The following CDH18 variants were observed in gnomAD, a reference collection of about 807,000 sequenced individuals.
CDH18 encodes cadherin 18, also known as cadherin-18.
A neutral mutation model predicts 67.9 loss-of-function variants in CDH18; 31 were observed. The observed-to-expected ratio is 0.46, with a 90% CI of 0.34 to 0.62. The LOEUF is 0.62. Ranked by LOEUF, CDH18 falls within the 20% of genes least tolerant of loss-of-function variation. The probability of loss-of-function intolerance (pLI) is 0.01; values close to 1 mark genes in which losing one functional copy is unlikely to be tolerated. For missense variants in CDH18, 890 were observed against 975.5 expected (o/e 0.91, Z 1.17); for synonymous variants, 362 against 347.2 (o/e 1.04, Z -0.48).
intron 3 of CDH18, among the ~76,000 whole-genome samples, chr5:19,781,276 T>C (rs1477238877): frequency 2.6e-5 from 4 of 152,060 alleles, no homozygotes; most frequent in Non-Finnish European, 4.4e-5. Context: ...GTAAGAGTAT[T>C]GACATTTTTA....
At chr5:19,746,203 A>T (rs1769977265) in intron 4 of CDH18, among the ~76,000 whole-genome samples, 1 of 152,152 alleles carries the variant, frequency 6.6e-6, no homozygotes. Flanking sequence ...CACAGAAACC[A>T]GTGAGTGGTG....
chr5:19,985,110 C>T (rs1799429757), intron 1 of CDH18, among the ~76,000 whole-genome samples: 2 of 152,084 alleles, frequency 1.3e-5, no homozygotes, highest in African/African-American at 4.8e-5. Context: ...TACTATCTCT[C>T]AGTTTTCATT....
intron 2 of CDH18, among the ~76,000 whole-genome samples, chr5:20,151,101 G>C (rs1751060588): frequency 6.6e-6 from 1 of 151,794 alleles, no homozygotes; most frequent in African/African-American, 2.4e-5. Context: ...ATTGCACCCA[G>C]ATAGTGAGCA....
chr5:19,489,458 A>G (rs567059002), intron 11 of CDH18, among the ~76,000 whole-genome samples: 145 of 152,136 alleles, frequency 9.5e-4, no homozygotes, highest in Admixed American at 2.7e-3. Flanking sequence ...CATGTTGGCC[A>G]GGCTGGTCTC....
intron 1 of CDH18, among the ~76,000 whole-genome samples, chr5:20,455,027 A>T (rs1469421206): frequency 6.6e-6 from 1 of 151,428 alleles, no homozygotes; most frequent in East Asian, 1.9e-4. Context: ...ATTGTGTGTT[A>T]CCTCTCCTAA....
intron 5 of CDH18, among the ~76,000 whole-genome samples, chr5:19,619,537 A>G (rs1750369075): frequency 1.3e-5 from 2 of 152,212 alleles, no homozygotes; most frequent in African/African-American, 4.8e-5. Flanking sequence ...ATGCATGGCA[A>G]TATTGGACAG....
chr5:20,474,257 C>T (rs1440898471), intron 1 of CDH18, among the ~76,000 whole-genome samples: 9 of 152,132 alleles, frequency 5.9e-5, no homozygotes, highest in Admixed American at 2.6e-4. Flanking sequence ...CCAGCCTGGG[C>T]GACAGAGCAA....
intron 3 of CDH18, among the ~76,000 whole-genome samples, chr5:19,811,912 T>A (rs918461277): frequency 6.6e-6 from 1 of 152,116 alleles, no homozygotes; most frequent in African/African-American, 2.4e-5. Flanking sequence ...AGGTTCTACA[T>A]AAACAATAAG....
chr5:20,530,575 A>G (rs1265468866), intron 1 of CDH18, among the ~76,000 whole-genome samples: 2 of 152,044 alleles, frequency 1.3e-5, no homozygotes, highest in East Asian at 3.9e-4. Flanking sequence ...GAACTCACAA[A>G]TAAAACCTCA....
At chr5:20,329,384 T>A (rs981800998) in intron 1 of CDH18, among the ~76,000 whole-genome samples, 2 of 152,126 alleles carry the variant, frequency 1.3e-5, no homozygotes, top group Admixed American at 1.3e-4. Flanking sequence ...TGGCCAAATA[T>A]TAAAAGGAAC....
intron 2 of CDH18, among the ~76,000 whole-genome samples, chr5:20,008,474 G>A (rs1052733368): frequency 5.9e-5 from 9 of 152,108 alleles, no homozygotes; most frequent in Non-Finnish European, 1.3e-4. Flanking sequence ...AGCATGTTAT[G>A]GGCAATCTGT....
intron 1 of CDH18, among the ~76,000 whole-genome samples, chr5:20,460,737 A>G (rs908395115): frequency 3.3e-5 from 5 of 152,196 alleles, no homozygotes; most frequent in Non-Finnish European, 5.9e-5. Flanking sequence ...TCTTGTATCA[A>G]ATAATCTGCT....
At chr5:20,209,713 A>G (rs531010576) in intron 2 of CDH18, among the ~76,000 whole-genome samples, 5 of 152,158 alleles carry the variant, frequency 3.3e-5, no homozygotes, top group African/African-American at 1.2e-4. Context: ...GAAATATACA[A>G]TAGTCTATTG....
intron 2 of CDH18, among the ~76,000 whole-genome samples, chr5:20,188,838 A>T (rs1352091581): frequency 2.3e-4 from 20 of 86,108 alleles, no homozygotes; most frequent in Middle Eastern, 8.5e-3. Flanking sequence ...CCCTTAACTT[A>T]TTTTCTAGGC....
chr5:20,350,731 C>T (rs1055340734), intron 1 of CDH18, among the ~76,000 whole-genome samples: 4 of 151,960 alleles, frequency 2.6e-5, no homozygotes, highest in Non-Finnish European at 4.4e-5. Flanking sequence ...CATTTCAGAA[C>T]TGTGACAGTG....
chr5:19,847,055 C>T (rs1043993684), intron 2 of CDH18, among the ~76,000 whole-genome samples: 1 of 151,844 alleles, frequency 6.6e-6, no homozygotes, highest in Non-Finnish European at 1.5e-5. Context: ...TTGTTTCTTT[C>T]CAAATTCTCT....
At chr5:19,487,751 C>A (rs889123546) in intron 11 of CDH18, among the ~76,000 whole-genome samples, 3 of 152,074 alleles carry the variant, frequency 2.0e-5, no homozygotes, top group Non-Finnish European at 4.4e-5. Flanking sequence ...TAGGATGAAG[C>A]AGGGAGGTTT....
At chr5:19,897,631 A>G (rs1789493101) in intron 2 of CDH18, among the ~76,000 whole-genome samples, 1 of 152,138 alleles carries the variant, frequency 6.6e-6, no homozygotes, top group East Asian at 1.9e-4. Flanking sequence ...TACCTAGAGC[A>G]ACAATTTTTA....
At chr5:20,091,958 T>A (rs926966879) in intron 2 of CDH18, among the ~76,000 whole-genome samples, 3 of 152,158 alleles carry the variant, frequency 2.0e-5, no homozygotes, top group African/African-American at 7.2e-5. Flanking sequence ...TTGTTTTGAT[T>A]TTTTCATGCC....
Sources: allele counts gnomAD v4.1 joint callset (sites outside exome capture counted in the v4.1 genomes callset), GRCh38; gene constraint gnomAD v4.1.1; transcripts MANE v1.5; gene names NCBI Gene and HGNC (gene_info 2026-07-23, HGNC 2026-07-21).